The following PIGF variants were observed in gnomAD, a reference collection of about 807,000 sequenced individuals.
PIGF encodes the protein GPI ethanolamine phosphate transferase, stabilizing subunit.
A neutral mutation model predicts 26.0 loss-of-function variants in PIGF; 23 were observed. The ratio of observed to expected loss-of-function variants is 0.88; its 90% CI spans 0.64 to 1.25. PIGF has a LOEUF of 1.25. PIGF is among the 50% of genes most tolerant of loss of function. PIGF has a pLI of 0.00. For synonymous variants in PIGF, 93 were observed against 92.6 expected (o/e 1.00, Z -0.03); for missense variants, 278 against 249.9 (o/e 1.11, Z -0.76).
At chr2:46,614,405 G>C (rs1314557787) in intron 2 of PIGF, 2 of 153,836 alleles carry the variant, frequency 1.3e-5, no homozygotes, top group Admixed American at 1.3e-4. Context: ...ATACATGGTA[G>C]AAAATAATGT....
intron 4 of PIGF, among the ~76,000 whole-genome samples, chr2:46,604,221 C>G (rs1039056443): frequency 1.3e-5 from 2 of 152,008 alleles, no homozygotes; most frequent in African/African-American, 2.4e-5. Context: ...ATAACAAATG[C>G]TGGCGAGGAT....
intron 4 of PIGF, among the ~76,000 whole-genome samples, chr2:46,601,869 T>C (rs1388734535): frequency 6.6e-6 from 1 of 152,002 alleles, no homozygotes; most frequent in African/African-American, 2.4e-5. Flanking sequence ...GATTTTTGTT[T>C]AGTACTATTC....
At chr2:46,597,393 T>C (rs1386097709) in intron 4 of PIGF, among the ~76,000 whole-genome samples, 1 of 151,694 alleles carries the variant, frequency 6.6e-6, no homozygotes. Flanking sequence ...TCATTCTGCC[T>C]CAGAATTTGT....
At chr2:46,607,240 G>C (rs992739859) in intron 4 of PIGF, among the ~76,000 whole-genome samples, 2 of 152,150 alleles carry the variant, frequency 1.3e-5, no homozygotes, top group Non-Finnish European at 2.9e-5. Flanking sequence ...TTTTCCCTCA[G>C]ATTTCCAACA....
chr2:46,591,280 A>G (rs888164485), intron 5 of PIGF, among the ~76,000 whole-genome samples: 8 of 152,178 alleles, frequency 5.3e-5, no homozygotes, highest in Non-Finnish European at 1.0e-4. Context: ...CAGATTAAAA[A>G]CAACATGAAT....
In PIGF at chr2:46,612,216, A is replaced by G; in HGVS notation, c.437+12T>C. On this transcript the variant is annotated intron_variant, in intron 4 of 5. Transcript: ENST00000281382. ...AATTTCAATATCATTATAATATAAA[A>G]TTAAAACTTACCCATTTCTACTGAA... is the stretch of plus-strand genomic sequence containing the variant. The G allele has an allele frequency of 1.2e-6, 1 of 820,814 alleles. No homozygotes were observed. Among genetic ancestry groups the G allele is most frequent in the Non-Finnish European group, 1.8e-6 (1 of 565,184 alleles). 50.8% of individuals were successfully genotyped at this position (820,814 alleles called of 1,614,324 possible).
At chr2:46,581,874 A>G (rs1669393871) in intron 5 of PIGF, 1 of 277,770 alleles carries the variant, frequency 3.6e-6, no homozygotes, top group Non-Finnish European at 6.8e-6. Context: ...ATTTTGGGTC[A>G]GACTTTGCCA....
intron 5 of PIGF, among the ~76,000 whole-genome samples, 193 bp downstream of exon 5, chr2:46,592,282 C>G (rs945138796): frequency 1.6e-4 from 24 of 152,108 alleles, no homozygotes; most frequent in Non-Finnish European, 4.4e-5. Flanking sequence ...AAGATAAAAC[C>G]AGGGCTACCT....
intron 4 of PIGF, among the ~76,000 whole-genome samples, chr2:46,599,898 T>A (rs888948299): frequency 6.6e-6 from 1 of 152,150 alleles, no homozygotes; most frequent in African/African-American, 2.4e-5. Context: ...ACACATCCTA[T>A]CTTAACTAGC....
At chr2:46,596,711 T>A (rs1669898755) in intron 4 of PIGF, among the ~76,000 whole-genome samples, 1 of 152,054 alleles carries the variant, frequency 6.6e-6, no homozygotes, top group Non-Finnish European at 1.5e-5. Flanking sequence ...ATTAACTTAC[T>A]TTCTGCCTTC....
intron 4 of PIGF, among the ~76,000 whole-genome samples, chr2:46,610,810 G>A (rs570533404): frequency 2.4e-4 from 37 of 152,178 alleles, no homozygotes; most frequent in African/African-American, 7.7e-4. Flanking sequence ...GATTACAGGC[G>A]TGAGCCACCA....
At chr2:46,595,975 G>C (rs1297966072) in intron 4 of PIGF, among the ~76,000 whole-genome samples, 1 of 152,130 alleles carries the variant, frequency 6.6e-6, no homozygotes, top group East Asian at 1.9e-4. Flanking sequence ...AACACTTCAG[G>C]ACGCAGAGGC....
rs1277260049 is a variant in PIGF, at chr2:46,582,175, C to A, written c.547-584G>T. 2.0e-5 allele frequency: 3 copies of A among 151,950 alleles called. No homozygotes were observed. In the East Asian group the frequency reaches 5.8e-4, roughly 29 times the overall value. The allele number at this position is 151,950 out of a possible 1,614,324, so 9.4% of individuals were successfully genotyped here. A position where few individuals can be genotyped will look rare whatever the true frequency, so the allele number is the denominator to read the frequency against. ...GAATGTAAGTTAAACAAAATACCGG[C>A]TTCCAGAGACCCCTTTTCTCCAGCC... On this transcript the variant is annotated intron_variant, in intron 5 of 5. Transcript: ENST00000281382.
At chr2:46,608,525 T>G (rs1344288690) in intron 4 of PIGF, among the ~76,000 whole-genome samples, 1 of 152,244 alleles carries the variant, frequency 6.6e-6, no homozygotes, top group Non-Finnish European at 1.5e-5. Flanking sequence ...AGAATGGTCC[T>G]TTCCAGAAGG....
chr2:46,602,901 A>C (rs1315015589), intron 4 of PIGF, among the ~76,000 whole-genome samples: 2 of 151,954 alleles, frequency 1.3e-5, no homozygotes, highest in African/African-American at 2.4e-5. Context: ...AGGGCATCCA[A>C]ATTGGAAAGA....
intron 4 of PIGF, among the ~76,000 whole-genome samples, chr2:46,605,241 G>A (rs897182704): frequency 2.6e-5 from 4 of 151,988 alleles, no homozygotes; most frequent in Non-Finnish European, 4.4e-5. Context: ...GCTTTCTATA[G>A]TAAAATTTGG....
At chr2:46,601,128 T>A (rs572506211) in intron 4 of PIGF, among the ~76,000 whole-genome samples, 28 of 152,222 alleles carry the variant, frequency 1.8e-4, no homozygotes, top group African/African-American at 6.7e-4. Context: ...ATCACTGACA[T>A]TGATGTACTC....
chr2:46,602,283 G>A (rs1670083924), intron 4 of PIGF, among the ~76,000 whole-genome samples: 1 of 151,798 alleles, frequency 6.6e-6, no homozygotes, highest in Admixed American at 6.6e-5. Flanking sequence ...AATCCCAATA[G>A]TATCAGAATT....
chr2:46,605,573 C>T (rs1216515628), intron 4 of PIGF, among the ~76,000 whole-genome samples: 3 of 152,034 alleles, frequency 2.0e-5, no homozygotes, highest in Admixed American at 6.6e-5. Flanking sequence ...CTGACACAGC[C>T]CTGCAAAGTA....
Sources: gnomAD v4.1 joint callset for allele counts (sites outside exome capture counted in the v4.1 genomes callset) on GRCh38, gnomAD v4.1.1 for gene constraint, MANE v1.5 for transcripts, NCBI Gene and HGNC (gene_info 2026-07-23, HGNC 2026-07-21) for gene names.